Variants in ACOX2 observed in about 807,000 individuals in gnomAD.
ACOX2 encodes peroxisomal acyl-coenzyme A oxidase 2.
A neutral mutation model predicts 77.5 loss-of-function variants in ACOX2; 59 were observed. The observed-to-expected ratio is 0.76, with a 90% CI of 0.62 to 0.95. The LOEUF (loss-of-function observed/expected upper bound fraction) is 0.95, where lower values mean the gene tolerates loss of function less well. Ranked by LOEUF, ACOX2 falls within the 40% of genes least tolerant of loss-of-function variation. The probability of loss-of-function intolerance (pLI) is 0.00; values close to 1 mark genes in which losing one functional copy is unlikely to be tolerated. For missense variants in ACOX2, 837 were observed against 880.4 expected, an observed-to-expected ratio of 0.95 and a Z score of 0.62; for synonymous variants, 317 against 340.1, an observed-to-expected ratio of 0.93 and a Z score of 0.75.
Position 58,522,729 on chromosome 3 carries a change from A to G in ACOX2, c.1527-128T>C. 1.3e-6 allele frequency: 1 copy of G among 787,546 alleles called. No homozygotes were observed. Among genetic ancestry groups the G allele is most frequent in the Non-Finnish European group, 2.1e-6 (1 of 475,952 alleles). The allele number at this position is 787,546 out of a possible 1,614,324, so 48.8% of individuals were successfully genotyped here. A position where few individuals can be genotyped will look rare whatever the true frequency, so the allele number is the denominator to read the frequency against. On this transcript the variant is annotated intron_variant, in intron 11 of 14. Transcript: ENST00000302819. This position sits in a 1 kb window ranked among gnomAD's most constrained non-coding sequence, Gnocchi z 4.3. The stretch of plus-strand genomic sequence containing the variant: ...GACCACTTATGTGCCATAAAGCTAA[A>G]TGATTGATATTTATTATCTTTTTAA...
chr3:58,515,748 T>C lies in ACOX2; in HGVS notation c.1850+1458A>G, dbSNP rs182695627. ...AATTAGTCCATTTTTTTTAATCTTA[T>C]GGACAATGGTAAATAATTTGCAATG... On this transcript the variant is annotated intron_variant, in intron 13 of 14. Transcript: ENST00000302819. This position sits in a 1 kb window ranked among gnomAD's most constrained non-coding sequence, Gnocchi z 4.0. Among the ~76,000 whole-genome samples the C allele has an allele frequency of 3.9e-5, 6 of 152,332 alleles. No individual in the cohort carries two copies. Among genetic ancestry groups the C allele is most frequent in the African/African-American group, 1.4e-4 (6 of 41,584 alleles).
intron 5 of ACOX2, among the ~76,000 whole-genome samples, chr3:58,532,166 C>G (rs779511499): frequency 2.6e-5 from 4 of 151,922 alleles, no homozygotes; most frequent in Non-Finnish European, 5.9e-5. Context: ...ATGATGAGTC[C>G]CATTTTCCAG....
At position 58,526,605 on chromosome 3, in the gene ACOX2, G is replaced by C; in HGVS notation, c.1207C>G (p.Gln403Glu). Residue 403 changes from glutamine (Q) to glutamate (E), a missense_variant, in exon 10 of 15, where the codon CAG becomes GAG. Gln to Glu is a conservative substitution (Grantham distance 29). Coordinates refer to ENST00000302819, the MANE Select transcript of ACOX2 (RefSeq NM_003500.4). The surrounding 1 kb of genome is among the most constrained non-coding windows in gnomAD (Gnocchi z 4.3). Reference sequence around the variant, plus strand: ...GCCCTGCGGCACATCTCAGCTCCCTGGGTGCAGAATTCTGACATCATGGCC... The same window carrying C: ...GCCCTGCGGCACATCTCAGCTCCCTCGGTGCAGAATTCTGACATCATGGCC... ...MKAMMSEFCT[Q>E]GAEMCRRACG... The C allele has an allele frequency of 6.2e-7, 1 of 1,614,178 alleles. No individual in the cohort carries two copies. Among genetic ancestry groups the C allele is most frequent in the Non-Finnish European group, 8.5e-7 (1 of 1,180,036 alleles).
At chr3:58,510,616 G>C (rs140181461) in intron 13 of ACOX2, among the ~76,000 whole-genome samples, 4 of 93,872 alleles carry the variant, frequency 4.3e-5, no homozygotes, top group African/African-American at 8.5e-5. Context: ...TTGGGCAACA[G>C]AGCAAGACTC....
chr3:58,533,375 A>G lies in ACOX2; in HGVS notation c.583+70T>C. The G allele has an allele frequency of 2.1e-6, 3 of 1,402,934 alleles. No homozygotes were observed. Among genetic ancestry groups the G allele is most frequent in the South Asian group, 2.4e-5 (2 of 83,524 alleles). The allele number at this position is 1,402,934 out of a possible 1,614,324, so 86.9% of individuals were successfully genotyped here. ...CTGAGGTCTGTTGGACCTCAAAGCCAGTGCTACTCTGCCCTCCAACATTCT... is the reference window on the plus strand; with the variant it reads ...CTGAGGTCTGTTGGACCTCAAAGCCGGTGCTACTCTGCCCTCCAACATTCT... On this transcript the variant is annotated intron_variant, in intron 5 of 14. Transcript: ENST00000302819. The surrounding 1 kb of genome is among the most constrained non-coding windows in gnomAD (Gnocchi z 5.6).
intron 13 of ACOX2, among the ~76,000 whole-genome samples, chr3:58,513,155 C>T (rs1449480656): frequency 6.6e-6 from 1 of 152,150 alleles, no homozygotes; most frequent in Non-Finnish European, 1.5e-5. Context: ...CTTTCCTCCA[C>T]TTCCTGCTAT....
Position 58,525,360 on chromosome 3 carries a change from G to T in ACOX2, c.1347-755C>A, listed in dbSNP as rs1213349790. Among the ~76,000 whole-genome samples, 1 of 152,182 alleles carries T rather than the reference G, an allele frequency of 6.6e-6. No homozygotes were observed. The highest frequency in any genetic ancestry group is 1.5e-5 in the Non-Finnish European group (1 of 68,026). ...AGTGAACTTCTTTCTCCTTGCATAG[G>T]GAAGCATTTGCCCTGTTTGTTCACC... On this transcript the variant is annotated intron_variant, in intron 10 of 14. Coordinates refer to ENST00000302819, the MANE Select transcript of ACOX2 (RefSeq NM_003500.4). This position sits in a 1 kb window ranked among gnomAD's most constrained non-coding sequence, Gnocchi z 5.0.
chr3:58,517,449 C>G, intron 12 of ACOX2, 26 bp from the exon 13 acceptor site: 1 of 1,607,206 alleles, frequency 6.2e-7, no homozygotes, highest in South Asian at 1.1e-5. Context: ...GATATGTTCT[C>G]CTGATTTCTG....
chr3:58,517,217 G>T lies in ACOX2; in HGVS notation c.1839C>A (p.Leu613=). 1 of 1,613,902 alleles carries T rather than the reference G, an allele frequency of 6.2e-7. No homozygotes were observed. The highest frequency in any genetic ancestry group is 8.5e-7 in the Non-Finnish European group (1 of 1,179,974). Residue 613 remains leucine (L), a synonymous_variant, in exon 13 of 15, where the codon CTC becomes CTA. Transcript: ENST00000302819. ...DMARTAYLDL[L]RLIRKDAILL... is the part of the protein sequence containing the mutation. Reference sequence around the variant, plus strand: ...TCTCTGCCACTCACCGGATCAGGCGGAGCAGGTCCAGGTAGGCTGTTCTTG... The same window carrying T: ...TCTCTGCCACTCACCGGATCAGGCGTAGCAGGTCCAGGTAGGCTGTTCTTG...
At position 58,512,634 on chromosome 3, in the gene ACOX2, C is replaced by T. The variant is rs140847692; in HGVS notation, c.1851-3609G>A. Among the ~76,000 whole-genome samples the T allele has an allele frequency of 5.9e-5, 9 of 152,320 alleles. No individual in the cohort carries two copies. Among genetic ancestry groups the T allele is most frequent in the Admixed American group, 2.0e-4 (3 of 15,294 alleles). Reference sequence around the variant, plus strand: ...CCACCGCAGTCATGCCATTCCTGCCCCTGTGGCCTCTTCTGTGTTCTCTGG... The same window carrying T: ...CCACCGCAGTCATGCCATTCCTGCCTCTGTGGCCTCTTCTGTGTTCTCTGG... On this transcript the variant is annotated intron_variant, in intron 13 of 14. Coordinates refer to ENST00000302819, the MANE Select transcript of ACOX2 (RefSeq NM_003500.4). The surrounding 1 kb of genome is among the most constrained non-coding windows in gnomAD (Gnocchi z 4.8).
At position 58,526,744 on chromosome 3, in the gene ACOX2, C is replaced by A; in HGVS notation, c.1156-88G>T. On this transcript the variant is annotated intron_variant, in intron 9 of 14. Transcript: ENST00000302819. This position sits in a 1 kb window ranked among gnomAD's most constrained non-coding sequence, Gnocchi z 4.3. Reference sequence around the variant, plus strand: ...GTGCACCACTTACTGAGCATCTACTCATGCCCAGCTCAGCTCTGAGGTAAG... The same window carrying A: ...GTGCACCACTTACTGAGCATCTACTAATGCCCAGCTCAGCTCTGAGGTAAG... 2 of 1,390,160 alleles carry A rather than the reference C, an allele frequency of 1.4e-6. No individual in the cohort carries two copies. Among genetic ancestry groups the A allele is most frequent in the South Asian group, 2.7e-5 (2 of 75,204 alleles). 86.1% of individuals were successfully genotyped at this position (1,390,160 alleles called of 1,614,324 possible). A position where few individuals can be genotyped will look rare whatever the true frequency, so the allele number is the denominator to read the frequency against.
At chr3:58,511,355 TG>T (rs2063286420) in intron 13 of ACOX2, 2 of 366,440 alleles carry the variant, frequency 5.5e-6, no homozygotes, top group South Asian at 4.8e-5. Context: ...TGGTCCTGGC[TG>T]GATGCTACTC....
At chr3:58,530,428 A>T (rs377248151) in intron 8 of ACOX2, 38 bp downstream of exon 8, 89 of 1,599,604 alleles carry the variant, frequency 5.6e-5, no homozygotes, top group Non-Finnish European at 7.3e-5. Context: ...ACCAAGAGGC[A>T]GCATATCTGC....
At position 58,536,295 on chromosome 3, in the gene ACOX2, C is replaced by T. The variant is rs1031421280; in HGVS notation, c.-92+824G>A. 2.0e-5 allele frequency among the ~76,000 whole-genome samples: 3 copies of T among 152,148 alleles called. 1 individual carries two copies. The highest frequency in any genetic ancestry group is 2.0e-4 in the Admixed American group (3 of 15,280). ...CACAAGGCCTGGGAGGCCAGCTCTG[C>T]ATTTCCTAGCTTGCAGCAGGTATGT... is the stretch of plus-strand genomic sequence containing the variant. On this transcript the variant is annotated intron_variant, in intron 1 of 14. Coordinates refer to ENST00000302819, the MANE Select transcript of ACOX2 (RefSeq NM_003500.4).
At position 58,534,382 on chromosome 3, in the gene ACOX2, G is replaced by T; in HGVS notation, c.301C>A (p.Arg101Ser). The T allele has an allele frequency of 6.2e-7, 1 of 1,614,144 alleles. No homozygotes were observed. Among genetic ancestry groups the T allele is most frequent in the South Asian group, 1.1e-5 (1 of 91,056 alleles). The change falls in exon 3 of 15, where the codon CGT becomes AGT. Residue 101 changes from arginine to serine, a missense_variant. Arg to Ser is a moderately radical substitution (Grantham distance 110). Coordinates refer to ENST00000302819, the MANE Select transcript of ACOX2 (RefSeq NM_003500.4). This position sits in a 1 kb window ranked among gnomAD's most constrained non-coding sequence, Gnocchi z 4.8. ...ARRLGWLEDG[R>S]ELGYAYRALS... ...CACCTGTAAGCGTAGCCTAATTCAC[G>T]ACCATCTTCTAACCAACCCAGGCGC...
At chr3:58,508,742 T>C in intron 14 of ACOX2, 151 bp downstream of exon 14, 1 of 1,065,864 alleles carries the variant, frequency 9.4e-7, no homozygotes, top group Non-Finnish European at 1.3e-6. Context: ...TTGTTTCTTT[T>C]ATGTGTTCTC....
At position 58,531,735 on chromosome 3, in the gene ACOX2, TA is replaced by T. The variant is rs769554894; in HGVS notation, c.660del (p.Phe220LeufsTer38). 1 of 1,614,122 alleles carries T rather than the reference TA, an allele frequency of 6.2e-7. No homozygotes were observed. Among genetic ancestry groups the T allele is most frequent in the South Asian group, 1.1e-5 (1 of 91,088 alleles). On this transcript the variant is annotated frameshift_variant, in exon 6 of 15. Transcript: ENST00000302819. LOFTEE classifies it high-confidence loss of function. This position sits in a 1 kb window ranked among gnomAD's most constrained non-coding sequence, Gnocchi z 5.8. Reference protein sequence around the residue: ...CSGARRGMHAFIVPIRSLQDH... With the variant: ...CSGARRGMHAXIVPIRSLQDH... ...TCCTGAAGACTCCGGATTGGCACAA[TA>T]AAAGCGTGCATGCCCCGCCTGGCTC...
At chr3:58,507,469 A>T (rs1041830722) in intron 14 of ACOX2, among the ~76,000 whole-genome samples, 1 of 152,202 alleles carries the variant, frequency 6.6e-6, no homozygotes, top group African/African-American at 2.4e-5. Context: ...AACACAAGAA[A>T]GCCCCCTCCA....
At position 58,519,363 on chromosome 3, in the gene ACOX2, G is replaced by A. The variant is rs1276290574; in HGVS notation, c.1633-1940C>T. 1.3e-5 allele frequency among the ~76,000 whole-genome samples: 2 copies of A among 152,072 alleles called. No homozygotes were observed. ...CGTGCCACTGCACTCCAGCCTGGGT[G>A]GTGGAGTGAGACTCTATCATAGAAA... is the stretch of plus-strand genomic sequence containing the variant. On this transcript the variant is annotated intron_variant, in intron 12 of 14. Coordinates refer to ENST00000302819, the MANE Select transcript of ACOX2 (RefSeq NM_003500.4). This position sits in a 1 kb window ranked among gnomAD's most constrained non-coding sequence, Gnocchi z 5.0.
Sources: gnomAD v4.1 joint callset for allele counts (sites outside exome capture counted in the v4.1 genomes callset) on GRCh38, gnomAD v4.1.1 for gene constraint, Gnocchi (gnomAD v3.1) non-coding constraint, MANE v1.5 for transcripts, NCBI Gene and HGNC (gene_info 2026-07-23, HGNC 2026-07-21) for gene names.